OGDH: variants seen among roughly 807,000 people sequenced by gnomAD.
OGDH encodes oxoglutarate dehydrogenase.
OGDH carries 38 observed loss-of-function variants against 116.6 expected under a neutral mutation model. The observed-to-expected ratio is 0.33, with a 90% CI of 0.25 to 0.43. The LOEUF (loss-of-function observed/expected upper bound fraction) is 0.43. Ranked by LOEUF, OGDH falls within the 20% of genes least tolerant of loss-of-function variation. OGDH has a pLI of 1.00. For missense variants in OGDH, 825 were observed against 1,357.2 expected, an observed-to-expected ratio of 0.61 and a Z score of 6.16; for synonymous variants, 488 against 533.3, an observed-to-expected ratio of 0.92 and a Z score of 1.17.
intron 1 of OGDH, among the ~76,000 whole-genome samples, chr7:44,618,717 C>A (rs796385274): frequency 6.6e-6 from 1 of 152,148 alleles, no homozygotes; most frequent in East Asian, 1.9e-4. Context: ...TGCTTTTTCT[C>A]CCCAAGGGAG....
chr7:44,692,843 CG>C (rs1207754414), intron 10 of OGDH, among the ~76,000 whole-genome samples: 1 of 150,464 alleles, frequency 6.6e-6, no homozygotes, highest in Non-Finnish European at 1.5e-5. Context: ...AAGACCAGCC[CG>C]GGCAACATGG....
chr7:44,685,908 G>A (rs1788106503), intron 10 of OGDH, among the ~76,000 whole-genome samples: 1 of 152,158 alleles, frequency 6.6e-6, no homozygotes, highest in African/African-American at 2.4e-5. Flanking sequence ...ACAGGCATGA[G>A]CCACTGTGCC....
At chr7:44,620,052 G>A (rs966808025) in intron 1 of OGDH, among the ~76,000 whole-genome samples, 2 of 151,944 alleles carry the variant, frequency 1.3e-5, no homozygotes, top group African/African-American at 2.4e-5. Flanking sequence ...ACAGAGTCTC[G>A]CTCTGTCACT....
chr7:44,633,587 T>C (rs759223048), intron 2 of OGDH, among the ~76,000 whole-genome samples: 5 of 152,330 alleles, frequency 3.3e-5, no homozygotes, highest in East Asian at 3.9e-4. Flanking sequence ...TTGAGGACTT[T>C]GGGATTCTCA....
intron 1 of OGDH, among the ~76,000 whole-genome samples, chr7:44,616,802 TATATGC>T (rs1461269181): frequency 1.9e-5 from 2 of 103,544 alleles, no homozygotes; most frequent in African/African-American, 3.3e-5. Context: ...TATGTGTATA[TATATGC>T]ATATATACGT....
intron 1 of OGDH, among the ~76,000 whole-genome samples, chr7:44,608,367 C>T (rs1784436644): frequency 6.6e-6 from 1 of 151,796 alleles, no homozygotes; most frequent in South Asian, 2.1e-4. Flanking sequence ...ATTATTGCCC[C>T]ACTGCACTCT....
At chr7:44,693,365 G>A (rs1156296577) in intron 10 of OGDH, among the ~76,000 whole-genome samples, 1 of 151,504 alleles carries the variant, frequency 6.6e-6, no homozygotes, top group Non-Finnish European at 1.5e-5. Context: ...ATAACACTTC[G>A]GGAAGCCGAG....
At chr7:44,661,842 A>G (rs1352202486) in intron 4 of OGDH, among the ~76,000 whole-genome samples, 2 of 151,962 alleles carry the variant, frequency 1.3e-5, no homozygotes, top group African/African-American at 2.4e-5. Flanking sequence ...CTCATGATCT[A>G]CCTGCCTTGG....
chr7:44,655,143 G>T (rs1786631696), intron 4 of OGDH, among the ~76,000 whole-genome samples: 1 of 152,058 alleles, frequency 6.6e-6, no homozygotes, highest in African/African-American at 2.4e-5. Flanking sequence ...AGTATTTAAG[G>T]TTCCTTTCGA....
chr7:44,695,178 C>G (rs75371374), intron 12 of OGDH, among the ~76,000 whole-genome samples: 8,584 of 152,146 alleles, frequency 0.056, 478 homozygotes, highest in East Asian at 0.24. Flanking sequence ...TCACTGCAAC[C>G]TCCACCTCCT....
intron 5 of OGDH, among the ~76,000 whole-genome samples, chr7:44,671,767 C>CAA (rs758716419): frequency 2.1e-4 from 11 of 51,166 alleles, no homozygotes; most frequent in Non-Finnish European, 1.1e-4. Context: ...GACTGCGTCT[C>CAA]AAAAAAAAAA....
intron 9 of OGDH, among the ~76,000 whole-genome samples, chr7:44,676,875 T>A (rs888368097): frequency 1.1e-4 from 17 of 152,074 alleles, no homozygotes; most frequent in Non-Finnish European, 2.2e-4. Flanking sequence ...GGAGAAATTG[T>A]AGAACTGAGA....
intron 1 of OGDH, among the ~76,000 whole-genome samples, chr7:44,616,279 C>A (rs968984629): frequency 2.0e-5 from 3 of 152,138 alleles, no homozygotes; most frequent in Non-Finnish European, 4.4e-5. Context: ...TTTATCTACA[C>A]CCTCCCCAGT....
At chr7:44,625,809 A>AT (rs373672936) in intron 2 of OGDH, among the ~76,000 whole-genome samples, 42 of 149,186 alleles carry the variant, frequency 2.8e-4, no homozygotes, top group African/African-American at 5.2e-4. Flanking sequence ...ACACTTACGA[A>AT]TTTTTTTTTT....
chr7:44,648,872 C>T (rs1167235722), intron 4 of OGDH, among the ~76,000 whole-genome samples: 1 of 152,130 alleles, frequency 6.6e-6, no homozygotes, highest in African/African-American at 2.4e-5. Flanking sequence ...GTAGACTGGG[C>T]ATGAGTTGAA....
Position 44,708,077 on chromosome 7 carries a change from C to G in OGDH, c.*78C>G. 1 of 1,544,400 alleles carries G rather than the reference C, an allele frequency of 6.5e-7. No homozygotes were observed. Among genetic ancestry groups the G allele is most frequent in the East Asian group, 2.2e-5 (1 of 44,462 alleles). Reference sequence around the variant, plus strand: ...CTTGCTTCTCAACTAAAGAATAGTGCCTCAGCGCTGCCCACACCACCGCCC... The same window carrying G: ...CTTGCTTCTCAACTAAAGAATAGTGGCTCAGCGCTGCCCACACCACCGCCC... On this transcript the variant is annotated 3_prime_UTR_variant, in exon 23 of 23. Coordinates refer to ENST00000222673, the MANE Select transcript of OGDH (RefSeq NM_002541.4).
chr7:44,644,255 T>G (rs999232263), intron 2 of OGDH, among the ~76,000 whole-genome samples: 8 of 152,258 alleles, frequency 5.3e-5, no homozygotes, highest in Admixed American at 5.2e-4. Context: ...CTTTTTACAA[T>G]GAACTTTTGT....
chr7:44,707,100 G>A lies in OGDH; in HGVS notation c.2633-125G>A, dbSNP rs1024198917. The A allele has an allele frequency of 2.3e-5, 22 of 951,184 alleles. No homozygotes were observed. The African/African-American group carries it at 3.0e-4, about 13-fold the overall frequency. The allele number at this position is 951,184 out of a possible 1,614,324, so 58.9% of individuals were successfully genotyped here. On this transcript the variant is annotated intron_variant, in intron 20 of 22. Coordinates refer to ENST00000222673, the MANE Select transcript of OGDH (RefSeq NM_002541.4). This position sits in a 1 kb window ranked among gnomAD's most constrained non-coding sequence, Gnocchi z 5.2. ...ACAGGGCATCAGAGGCTGGTGAAGG[G>A]GAAGCATCTCTAACCCTTGAAAGCT... is the stretch of plus-strand genomic sequence containing the variant.
chr7:44,668,009 T>C (rs1787259591), intron 5 of OGDH, among the ~76,000 whole-genome samples: 1 of 152,176 alleles, frequency 6.6e-6, no homozygotes, highest in Non-Finnish European at 1.5e-5. Flanking sequence ...AGAACTGATA[T>C]CCAGGCCACA....
Sources: allele counts gnomAD v4.1 joint callset (sites outside exome capture counted in the v4.1 genomes callset), GRCh38; gene constraint gnomAD v4.1.1; non-coding constraint Gnocchi (gnomAD v3.1); transcripts MANE v1.5; gene names NCBI Gene and HGNC (gene_info 2026-07-23, HGNC 2026-07-21).